The following EPHA5 variants were observed in gnomAD, a reference collection of about 807,000 sequenced individuals.
The protein encoded by EPHA5 is EPH receptor A5.
In EPHA5, 60 loss-of-function variants were observed where a neutral mutation model predicts 105.0. The observed-to-expected ratio is 0.57, with a 90% CI of 0.46 to 0.71. EPHA5 has a LOEUF of 0.71. Among genes scored for constraint, EPHA5 ranks in the 30% least tolerant of loss-of-function variants. The pLI is 0.00. For synonymous variants in EPHA5, 513 were observed against 449.1 expected, an observed-to-expected ratio of 1.14 and a Z score of -1.80; for missense variants, 1,218 against 1,274.7, an observed-to-expected ratio of 0.96 and a Z score of 0.68.
intron 14 of EPHA5, 139 bp downstream of exon 14, chr4:65,347,915 C>T: frequency 1.1e-6 from 1 of 883,062 alleles, no homozygotes; most frequent in East Asian, 2.7e-5. Flanking sequence ...ATTTCAACAA[C>T]ACAAAACAGA....
At chr4:65,425,578 A>G (rs1379738489) in intron 5 of EPHA5, among the ~76,000 whole-genome samples, 1 of 152,046 alleles carries the variant, frequency 6.6e-6, no homozygotes. Flanking sequence ...AAGGCAAACC[A>G]TACTAGGATT....
chr4:65,650,001 A>G (rs765841411), intron 1 of EPHA5, among the ~76,000 whole-genome samples: 1 of 152,114 alleles, frequency 6.6e-6, no homozygotes, highest in African/African-American at 2.4e-5. Flanking sequence ...AAAATTCTTG[A>G]TTAACAAATG....
chr4:65,553,404 C>G (rs1410011164), intron 3 of EPHA5, among the ~76,000 whole-genome samples: 1 of 151,958 alleles, frequency 6.6e-6, no homozygotes. Context: ...TATGTTTTCT[C>G]CACCTAACAT....
At chr4:65,631,265 T>A (rs993255613) in intron 2 of EPHA5, among the ~76,000 whole-genome samples, 20 of 152,200 alleles carry the variant, frequency 1.3e-4, no homozygotes, top group Admixed American at 1.3e-3. Context: ...TGAAACTGAA[T>A]TGTTCATATC....
At chr4:65,639,545 C>G (rs1747454252) in intron 2 of EPHA5, among the ~76,000 whole-genome samples, 1 of 152,202 alleles carries the variant, frequency 6.6e-6, no homozygotes, top group Non-Finnish European at 1.5e-5. Context: ...GACAGTTTAA[C>G]TATGATGTGT....
At chr4:65,371,778 T>C (rs755037141) in intron 8 of EPHA5, among the ~76,000 whole-genome samples, 9 of 152,040 alleles carry the variant, frequency 5.9e-5, no homozygotes, top group Non-Finnish European at 1.2e-4. Flanking sequence ...TCCATTGCTT[T>C]AGTCTATAGA....
rs922965024 is a variant in EPHA5, at chr4:65,335,992, A to G, written c.2729T>C (p.Met910Thr). ...SRPKFDEIVNMLDKLIRNPSS... is the reference protein window; with the variant it reads ...SRPKFDEIVNTLDKLIRNPSS... ...TGGGTTACGTATCAGCTTGTCCAACATGTTGACTATTTCATCAAACTTGGG... is the reference window on the plus strand; with the variant it reads ...TGGGTTACGTATCAGCTTGTCCAACGTGTTGACTATTTCATCAAACTTGGG... The change falls in exon 15 of 17, where the codon ATG becomes ACG. Residue 910 changes from methionine to threonine, a missense_variant. Transcript: ENST00000613740. 1.2e-6 allele frequency: 2 copies of G among 1,613,150 alleles called. No homozygotes were observed. Among genetic ancestry groups the G allele is most frequent in the African/African-American group, 1.3e-5 (1 of 74,788 alleles).
chr4:65,349,053 T>C (rs1722570503), intron 13 of EPHA5, among the ~76,000 whole-genome samples: 3 of 151,626 alleles, frequency 2.0e-5, no homozygotes, highest in African/African-American at 7.3e-5. Context: ...TGACCTCAAG[T>C]GATTCACCCA....
intron 8 of EPHA5, among the ~76,000 whole-genome samples, chr4:65,383,880 CG>C (rs1409695699): frequency 2.0e-5 from 3 of 151,724 alleles, no homozygotes; most frequent in African/African-American, 7.3e-5. Flanking sequence ...ATATGAATCA[CG>C]TAAGCCATAT....
chr4:65,336,465 C>T, intron 14 of EPHA5, among the ~76,000 whole-genome samples: 1 of 151,840 alleles, frequency 6.6e-6, no homozygotes, highest in East Asian at 1.9e-4. Context: ...ACTCCAGAAT[C>T]AAATAGAGAT....
intron 5 of EPHA5, among the ~76,000 whole-genome samples, chr4:65,488,660 A>T (rs1410193296): frequency 2.6e-5 from 4 of 152,202 alleles, no homozygotes; most frequent in Non-Finnish European, 4.4e-5. Flanking sequence ...AATGGTAAAA[A>T]ATATAAACGA....
chr4:65,635,100 T>A (rs1201394801), intron 2 of EPHA5, among the ~76,000 whole-genome samples: 2 of 152,128 alleles, frequency 1.3e-5, no homozygotes, highest in Non-Finnish European at 2.9e-5. Flanking sequence ...ACAGTCCATT[T>A]TGAGTAAAAA....
chr4:65,355,571 T>C (rs1290075402), intron 11 of EPHA5, among the ~76,000 whole-genome samples: 2 of 151,544 alleles, frequency 1.3e-5, no homozygotes, highest in African/African-American at 4.8e-5. Context: ...GAAGTCCTGT[T>C]CTTTCAAGAA....
At chr4:65,466,117 T>C (rs1381710237) in intron 5 of EPHA5, among the ~76,000 whole-genome samples, 1 of 152,276 alleles carries the variant, frequency 6.6e-6, no homozygotes, top group South Asian at 2.1e-4. Context: ...TATGTGTGCA[T>C]GTGTGTGGGC....
intron 8 of EPHA5, among the ~76,000 whole-genome samples, chr4:65,393,920 A>G (rs1193379332): frequency 1.3e-5 from 2 of 152,170 alleles, no homozygotes; most frequent in Admixed American, 6.5e-5. Flanking sequence ...TTTACCCAGG[A>G]CCTACATTGT....
chr4:65,492,538 C>CA (rs10543479), intron 4 of EPHA5, among the ~76,000 whole-genome samples: 927 of 84,650 alleles, frequency 0.011, 12 homozygotes, highest in East Asian at 0.057. Context: ...GACATCTTTG[C>CA]AAAAAAAAAA....
chr4:65,573,559 C>G (rs1740457077), intron 3 of EPHA5: 1 of 1,598,018 alleles, frequency 6.3e-7, no homozygotes, highest in East Asian at 2.2e-5. Flanking sequence ...AACCTCAAAG[C>G]TAAAAAGCCC....
chr4:65,328,536 C>G (rs1020614012), intron 16 of EPHA5, among the ~76,000 whole-genome samples: 1 of 151,096 alleles, frequency 6.6e-6, no homozygotes, highest in African/African-American at 2.4e-5. Flanking sequence ...GTACTTAGCC[C>G]CAACCAACAT....
intron 5 of EPHA5, among the ~76,000 whole-genome samples, chr4:65,446,121 T>G (rs1726497408): frequency 6.6e-6 from 1 of 152,154 alleles, no homozygotes; most frequent in African/African-American, 2.4e-5. Context: ...CCTCATGATA[T>G]TTTTAATATA....
Sources: allele counts gnomAD v4.1 joint callset (sites outside exome capture counted in the v4.1 genomes callset), GRCh38; gene constraint gnomAD v4.1.1; transcripts MANE v1.5; gene names NCBI Gene and HGNC (gene_info 2026-07-23, HGNC 2026-07-21).